TRPM7: variants seen among roughly 807,000 people sequenced by gnomAD.
The protein encoded by TRPM7 is LTRPC ion channel family member 7.
TRPM7 carries 134 observed loss-of-function variants against 229.7 expected under a neutral mutation model. The ratio of observed to expected loss-of-function variants is 0.58; its 90% CI spans 0.51 to 0.67. The LOEUF is 0.67. Among genes scored for constraint, TRPM7 ranks in the 30% least tolerant of loss-of-function variants. The probability of loss-of-function intolerance (pLI) is 0.00; values close to 1 mark genes in which losing one functional copy is unlikely to be tolerated. For synonymous variants in TRPM7, 699 were observed against 715.2 expected, an observed-to-expected ratio of 0.98 and a Z score of 0.36; for missense variants, 1,901 against 2,210.0, an observed-to-expected ratio of 0.86 and a Z score of 2.80.
intron 12 of TRPM7, among the ~76,000 whole-genome samples, chr15:50,621,945 G>A (rs1452712938): frequency 1.3e-5 from 2 of 151,928 alleles, no homozygotes; most frequent in Non-Finnish European, 2.9e-5. Context: ...CAGGAGAATC[G>A]CTTGAACCTG....
In TRPM7 at chr15:50,599,239, C is replaced by A; in HGVS notation, c.3046G>T (p.Val1016Phe). The change falls in exon 22 of 39, where the codon GTT (valine) becomes TTT (phenylalanine). Residue 1016 changes from valine (V) to phenylalanine (F), a missense_variant. This residue lies in a region of TRPM7 where 89 missense variants were observed against 178.2 expected (regional missense o/e 0.50). Coordinates refer to ENST00000646667, the MANE Select transcript of TRPM7 (RefSeq NM_017672.6). ...IMALVLLSFGVPRKAILYPHE... is the reference protein window; with the variant it reads ...IMALVLLSFGFPRKAILYPHE... ...GGATAAAGTATTGCCTTTCTGGGAA[C>A]ACCAAAACTAAGTAATACAAGAGCC... 6.2e-7 allele frequency: 1 copy of A among 1,613,188 alleles called. No homozygotes were observed. Among genetic ancestry groups the A allele is most frequent in the Non-Finnish European group, 8.5e-7 (1 of 1,179,438 alleles).
In TRPM7 at chr15:50,667,120, G is replaced by C. The variant is rs150873613; in HGVS notation, c.4-4074C>G. Among the ~76,000 whole-genome samples the C allele has an allele frequency of 2.9e-3, 437 of 152,170 alleles. 3 individuals carry two copies. Among genetic ancestry groups the C allele is most frequent in the African/African-American group, 0.01 (427 of 41,526 alleles). On this transcript the variant is annotated intron_variant, in intron 1 of 38. Transcript: ENST00000646667. ...CCCAAAGGAAATAGACTGCAGCATT[G>C]ATTGGCCGACTCTGGGGGTGTCTAA...
chr15:50,584,270 T>C (rs1030165743), intron 28 of TRPM7, among the ~76,000 whole-genome samples: 4 of 152,042 alleles, frequency 2.6e-5, no homozygotes, highest in African/African-American at 9.7e-5. Context: ...GACTGAGATA[T>C]ATTAGAAGAC....
chr15:50,673,634 G>GTATATATATA (rs35356193), intron 1 of TRPM7, among the ~76,000 whole-genome samples: 14 of 150,316 alleles, frequency 9.3e-5, no homozygotes, highest in African/African-American at 3.4e-4. Context: ...GTATTCCCTC[G>GTATATATATA]TATATATATA....
At chr15:50,675,067 G>A (rs2062064364) in intron 1 of TRPM7, among the ~76,000 whole-genome samples, 1 of 152,160 alleles carries the variant, frequency 6.6e-6, no homozygotes, top group Non-Finnish European at 1.5e-5. Flanking sequence ...TCCTGGCTGG[G>A]CACGGTGGCT....
chr15:50,607,170 A>T (rs1463911455), intron 20 of TRPM7, 30 bp downstream of exon 20: 9 of 1,591,208 alleles, frequency 5.7e-6, no homozygotes, highest in Non-Finnish European at 3.4e-6. Flanking sequence ...TATACAGTAA[A>T]TTATTGGTAG....
In TRPM7 at chr15:50,686,554, C is replaced by G; in HGVS notation, c.-21G>C. 1 of 1,609,678 alleles carries G rather than the reference C, an allele frequency of 6.2e-7. No individual in the cohort carries two copies. Among genetic ancestry groups the G allele is most frequent in the African/African-American group, 1.3e-5 (1 of 74,692 alleles). On this transcript the variant is annotated 5_prime_UTR_variant, in exon 1 of 39. Coordinates refer to ENST00000646667, the MANE Select transcript of TRPM7 (RefSeq NM_017672.6). ...ACCATTCTCCTCACGGGGCGGACTC[C>G]GGAAGGGCAGCAACTCCACCTCCTC... is the stretch of plus-strand genomic sequence containing the variant.
chr15:50,642,547 G>C (rs987436210), intron 5 of TRPM7, among the ~76,000 whole-genome samples: 3 of 152,124 alleles, frequency 2.0e-5, no homozygotes, highest in Admixed American at 6.6e-5. Flanking sequence ...AAGATCTGAT[G>C]GCTTTATAAG....
At chr15:50,654,299 T>A (rs1302686519) in intron 3 of TRPM7, among the ~76,000 whole-genome samples, 1 of 150,524 alleles carries the variant, frequency 6.6e-6, no homozygotes, top group Non-Finnish European at 1.5e-5. Flanking sequence ...TATAAAAAAT[T>A]AGCTGGGCGT....
intron 36 of TRPM7, among the ~76,000 whole-genome samples, chr15:50,571,649 G>GA (rs1436215037): frequency 6.6e-5 from 10 of 152,002 alleles, no homozygotes; most frequent in Non-Finnish European, 1.5e-5. Context: ...AAAAAAGAGG[G>GA]AAAAAAGTCT....
At chr15:50,634,246 G>A in intron 8 of TRPM7, 136 bp downstream of exon 8, 2 of 567,048 alleles carry the variant, frequency 3.5e-6, no homozygotes, top group Non-Finnish European at 5.4e-6. Flanking sequence ...GCTTGAACCT[G>A]GGAGGTGGAG....
At chr15:50,586,138 AAGC>A (rs1420713951) in intron 28 of TRPM7, among the ~76,000 whole-genome samples, 2 of 152,258 alleles carry the variant, frequency 1.3e-5, no homozygotes, top group African/African-American at 4.8e-5. Flanking sequence ...CAAAAGCTAA[AAGC>A]AGCAGATTTA....
intron 13 of TRPM7, among the ~76,000 whole-genome samples, chr15:50,617,234 G>A (rs1445852043): frequency 4.6e-5 from 7 of 151,902 alleles, no homozygotes; most frequent in African/African-American, 1.4e-4. Context: ...CTACTCGGGA[G>A]GCTGATAGGA....
intron 14 of TRPM7, 41 bp from the exon 15 acceptor site, chr15:50,613,882 G>T (rs1431035098): frequency 1.3e-6 from 2 of 1,587,188 alleles, no homozygotes. Context: ...ATTTAAACGT[G>T]CTGACATGTT....
chr15:50,602,325 C>G (rs1267083365), intron 21 of TRPM7, among the ~76,000 whole-genome samples: 1 of 151,126 alleles, frequency 6.6e-6, no homozygotes, highest in African/African-American at 2.5e-5. Context: ...CAGGTGGGAA[C>G]TGAACAACGA....
rs143757788 is a variant in TRPM7, at chr15:50,677,389, T to C, written c.3+9142A>G. 6.6e-5 allele frequency among the ~76,000 whole-genome samples: 10 copies of C among 151,550 alleles called. No homozygotes were observed. In the East Asian group the frequency reaches 1.9e-3, roughly 29 times the overall value. ...ATGAATTCTCGGGGAGCGAGGGAGA[T>C]CACATTCAGTACATAACAACAACAA... On this transcript the variant is annotated intron_variant, in intron 1 of 38. Coordinates refer to ENST00000646667, the MANE Select transcript of TRPM7 (RefSeq NM_017672.6).
chr15:50,591,170 C>G (rs2140356244), intron 26 of TRPM7, among the ~76,000 whole-genome samples: 1 of 152,206 alleles, frequency 6.6e-6, no homozygotes, highest in South Asian at 2.1e-4. Flanking sequence ...TACTAATTTT[C>G]CCAGTAGATT....
chr15:50,628,606 C>A (rs984037558), intron 10 of TRPM7, among the ~76,000 whole-genome samples: 2 of 152,128 alleles, frequency 1.3e-5, no homozygotes. Context: ...GTGCCCAGCA[C>A]GAACACTTAT....
At chr15:50,672,149 G>C (rs2062003336) in intron 1 of TRPM7, among the ~76,000 whole-genome samples, 1 of 152,022 alleles carries the variant, frequency 6.6e-6, no homozygotes, top group African/African-American at 2.4e-5. Flanking sequence ...CATCTCCCGG[G>C]TTCACGCCAT....
Sources: gnomAD v4.1 joint callset for allele counts (sites outside exome capture counted in the v4.1 genomes callset) on GRCh38, gnomAD v4.1.1 for gene constraint, gnomAD v4.1.1 regional missense constraint, MANE v1.5 for transcripts, NCBI Gene and HGNC (gene_info 2026-07-23, HGNC 2026-07-21) for gene names.